The following ATP9B variants were observed in gnomAD, a reference collection of about 807,000 sequenced individuals.
ATP9B encodes ATPase phospholipid transporting 9B, also known as probable phospholipid-transporting ATPase IIB.
Under a neutral mutation model 146.1 loss-of-function variants are expected in ATP9B, and 110 were observed. The observed-to-expected ratio is 0.75, with a 90% CI of 0.65 to 0.88. The LOEUF (loss-of-function observed/expected upper bound fraction) is 0.88. Among genes scored for constraint, ATP9B ranks in the 40% least tolerant of loss-of-function variants. The probability of loss-of-function intolerance (pLI) is 0.00; values close to 1 mark genes in which losing one functional copy is unlikely to be tolerated. For missense variants in ATP9B, 1,499 were observed against 1,496.4 expected (o/e 1.00, Z -0.03); for synonymous variants, 604 against 569.7 (o/e 1.06, Z -0.86).
intron 9 of ATP9B, 41 bp downstream of exon 9, chr18:79,193,304 G>T: frequency 1.3e-6 from 2 of 1,484,684 alleles, no homozygotes; most frequent in South Asian, 1.2e-5. Context: ...GAGTTATTGT[G>T]TAAGTTAAAA....
At chr18:79,198,686 C>G (rs1003411760) in intron 9 of ATP9B, among the ~76,000 whole-genome samples, 1 of 152,122 alleles carries the variant, frequency 6.6e-6, no homozygotes, top group Non-Finnish European at 1.5e-5. Flanking sequence ...TGATAAGTAT[C>G]TGTGTATCTA....
chr18:79,311,013 G>A (rs1232047312), intron 15 of ATP9B, among the ~76,000 whole-genome samples: 2 of 152,114 alleles, frequency 1.3e-5, no homozygotes, highest in Non-Finnish European at 2.9e-5. Context: ...TTAGCCAGGT[G>A]TGGTGGCAGG....
At chr18:79,280,082 A>G (rs546506101) in intron 13 of ATP9B, among the ~76,000 whole-genome samples, 1 of 152,252 alleles carries the variant, frequency 6.6e-6, no homozygotes, top group Non-Finnish European at 1.5e-5. Context: ...GATGTAACAT[A>G]AAAAAGTTTA....
chr18:79,313,126 T>C (rs931103818), intron 15 of ATP9B, among the ~76,000 whole-genome samples: 2 of 152,256 alleles, frequency 1.3e-5, no homozygotes, highest in Non-Finnish European at 2.9e-5. Context: ...GACTGATAGA[T>C]ACGTAAAAAT....
intron 1 of ATP9B, among the ~76,000 whole-genome samples, chr18:79,092,639 A>C (rs1394165247): frequency 1.4e-5 from 2 of 138,372 alleles, no homozygotes; most frequent in African/African-American, 5.6e-5. Flanking sequence ...TTTTACTTAA[A>C]CTTTTTTTTT....
intron 12 of ATP9B, 150 bp downstream of exon 12, chr18:79,253,691 T>A: frequency 2.4e-6 from 2 of 841,644 alleles, no homozygotes; most frequent in South Asian, 2.1e-5. Context: ...AATTCTTCTG[T>A]GGAAATGTTG....
At chr18:79,134,685 A>G (rs987429128) in intron 5 of ATP9B, among the ~76,000 whole-genome samples, 5 of 148,988 alleles carry the variant, frequency 3.4e-5, no homozygotes, top group Admixed American at 3.3e-4. Context: ...GATCTTTTAT[A>G]AATTACTTAA....
At chr18:79,148,194 C>G (rs887958502) in intron 6 of ATP9B, among the ~76,000 whole-genome samples, 4 of 152,172 alleles carry the variant, frequency 2.6e-5, no homozygotes, top group African/African-American at 7.2e-5. Context: ...AAGGAAATAC[C>G]TAGGTCCAGG....
chr18:79,324,972 C>T (rs2096736214), intron 15 of ATP9B, among the ~76,000 whole-genome samples: 3 of 152,168 alleles, frequency 2.0e-5, no homozygotes, highest in African/African-American at 4.8e-5. Flanking sequence ...GCAGCTGGGG[C>T]TGTGGAGTAA....
intron 15 of ATP9B, among the ~76,000 whole-genome samples, chr18:79,320,524 A>G (rs1459904455): frequency 6.6e-6 from 1 of 152,196 alleles, no homozygotes. Flanking sequence ...GTCTCTAACA[A>G]ATGTATTTGT....
rs745398511 is a variant in ATP9B, at chr18:79,096,670, T to C, written c.293+21T>C. 77 of 1,586,100 alleles carry C rather than the reference T, an allele frequency of 4.9e-5. 1 individual carries two copies. In the South Asian group the frequency reaches 8.1e-4, roughly 17 times the overall value. ...ACCAGGTTTGTTATCCATTGCTACCTAATTTCCTTATATGCTAAGGTTACT... is the reference window on the plus strand; with the variant it reads ...ACCAGGTTTGTTATCCATTGCTACCCAATTTCCTTATATGCTAAGGTTACT... On this transcript the variant is annotated intron_variant, in intron 2 of 29. Coordinates refer to ENST00000426216, the MANE Select transcript of ATP9B (RefSeq NM_198531.5).
In ATP9B at chr18:79,377,773, T is replaced by G; in HGVS notation, c.*390T>G. On this transcript the variant is annotated 3_prime_UTR_variant, in exon 30 of 30. Coordinates refer to ENST00000426216, the MANE Select transcript of ATP9B (RefSeq NM_198531.5). Reference sequence around the variant, plus strand: ...TCTCAGTGTGAGGCTTCACCCATGCTAGGCAAGCCCAGGGCACAGATGCCG... The same window carrying G: ...TCTCAGTGTGAGGCTTCACCCATGCGAGGCAAGCCCAGGGCACAGATGCCG... The G allele has an allele frequency of 1.8e-5, 2 of 110,106 alleles. No individual in the cohort carries two copies. The highest frequency in any genetic ancestry group is 3.5e-5 in the Non-Finnish European group (2 of 56,448). The allele number at this position is 110,106 out of a possible 1,614,324, so 6.8% of individuals were successfully genotyped here. A position where few individuals can be genotyped will look rare whatever the true frequency, so the allele number is the denominator to read the frequency against.
intron 12 of ATP9B, among the ~76,000 whole-genome samples, chr18:79,276,572 G>A (rs1280881756): frequency 6.6e-6 from 1 of 152,194 alleles, no homozygotes; most frequent in Non-Finnish European, 1.5e-5. Context: ...CCTGCTCCAT[G>A]TGTGTGCCCT....
At chr18:79,372,505 T>C (rs2097077574) in intron 26 of ATP9B, 1 of 507,704 alleles carries the variant, frequency 2.0e-6, no homozygotes, top group Admixed American at 2.4e-5. Context: ...CCAAGAGCCT[T>C]TCCCCCTGGT....
chr18:79,178,895 T>C (rs1485370074), intron 8 of ATP9B, among the ~76,000 whole-genome samples: 1 of 152,246 alleles, frequency 6.6e-6, no homozygotes, highest in African/African-American at 2.4e-5. Context: ...GGAGTCTTTT[T>C]GCCTCCTGTA....
intron 2 of ATP9B, among the ~76,000 whole-genome samples, chr18:79,102,573 T>C (rs1226716257): frequency 2.0e-5 from 3 of 152,194 alleles, no homozygotes; most frequent in Non-Finnish European, 4.4e-5. Context: ...ATGGGTAGGC[T>C]AATTCTTCTT....
At chr18:79,226,746 G>T (rs999789392) in intron 11 of ATP9B, among the ~76,000 whole-genome samples, 6 of 152,176 alleles carry the variant, frequency 3.9e-5, no homozygotes, top group African/African-American at 1.2e-4. Context: ...CAGTTTGTGT[G>T]GGGGAGGTGG....
chr18:79,188,220 T>C (rs1317212073), intron 8 of ATP9B, among the ~76,000 whole-genome samples: 2 of 152,174 alleles, frequency 1.3e-5, no homozygotes, highest in African/African-American at 4.8e-5. Flanking sequence ...ACTAACAACC[T>C]AAATAAAACA....
chr18:79,146,960 C>T (rs897513079), intron 6 of ATP9B: 10 of 152,048 alleles, frequency 6.6e-5, no homozygotes, highest in South Asian at 2.1e-4. Context: ...GTTGTGTGCA[C>T]GAAAGTCTCT....
Sources: allele counts gnomAD v4.1 joint callset (sites outside exome capture counted in the v4.1 genomes callset), GRCh38; gene constraint gnomAD v4.1.1; transcripts MANE v1.5; gene names NCBI Gene and HGNC (gene_info 2026-07-23, HGNC 2026-07-21).